Variants in TBC1D2 observed in about 807,000 individuals in gnomAD.
TBC1D2 encodes TBC1 domain family member 2.
TBC1D2 carries 58 observed loss-of-function variants against 91.1 expected under a neutral mutation model. The observed-to-expected ratio is 0.64, with a 90% CI of 0.52 to 0.79. The LOEUF (loss-of-function observed/expected upper bound fraction) is 0.79, where lower values mean the gene tolerates loss of function less well. TBC1D2 is among the 30% of genes least tolerant of loss of function. The pLI is 0.00. For synonymous variants in TBC1D2, 482 were observed against 511.5 expected (o/e 0.94, Z 0.78); for missense variants, 1,080 against 1,208.3 (o/e 0.89, Z 1.57).
intron 6 of TBC1D2, among the ~76,000 whole-genome samples, chr9:98,218,546 GAC>G (rs1829023461): frequency 6.6e-6 from 1 of 151,970 alleles, no homozygotes; most frequent in Non-Finnish European, 1.5e-5. Flanking sequence ...CAGGCTGGGT[GAC>G]AGAGCAAGAC....
chr9:98,199,354 AG>A lies in TBC1D2; in HGVS notation c.*26del. ...TGGGTCTGCCAGCCAAGGGTGAGGA[AG>A]GCTGTGGGGAGGGGAGGTGGCCAAG... On this transcript the variant is annotated 3_prime_UTR_variant, in exon 13 of 13. Transcript: ENST00000465784. 1 of 1,611,572 alleles carries A rather than the reference AG, an allele frequency of 6.2e-7. No individual in the cohort carries two copies. Among genetic ancestry groups the A allele is most frequent in the African/African-American group, 1.3e-5 (1 of 74,978 alleles).
At chr9:98,249,534 C>T (rs79122827) in intron 2 of TBC1D2, among the ~76,000 whole-genome samples, 1 of 152,332 alleles carries the variant, frequency 6.6e-6, no homozygotes, top group East Asian at 1.9e-4. Context: ...CTGATCTTTG[C>T]AGCAGCATCA....
chr9:98,210,865 T>C lies in TBC1D2; in HGVS notation c.1486-22A>G, dbSNP rs1018803508. ...CGCACTGCAAACAGGGAAAGGCTGG[T>C]CAGGCTACCGGGTGGGAGCTGGGCC... On this transcript the variant is annotated intron_variant, in intron 7 of 12. Transcript: ENST00000465784. 7 of 1,545,520 alleles carry C rather than the reference T, an allele frequency of 4.5e-6. No individual in the cohort carries two copies. In the Admixed American group the frequency reaches 1.2e-4, roughly 26 times the overall value.
chr9:98,247,172 C>T (rs1829780997), intron 2 of TBC1D2, among the ~76,000 whole-genome samples: 1 of 151,632 alleles, frequency 6.6e-6, no homozygotes, highest in African/African-American at 2.4e-5. Context: ...ACTAAAAATA[C>T]AAAAACAAAC....
intron 5 of TBC1D2, among the ~76,000 whole-genome samples, chr9:98,222,543 C>A (rs569387324): frequency 1.3e-5 from 2 of 152,376 alleles, no homozygotes; most frequent in Non-Finnish European, 2.9e-5. Context: ...GTCTGCTCAG[C>A]TCCCTGTGCC....
At chr9:98,205,983 A>T (rs1426529867) in intron 9 of TBC1D2, among the ~76,000 whole-genome samples, 1 of 151,910 alleles carries the variant, frequency 6.6e-6, no homozygotes, top group Non-Finnish European at 1.5e-5. Context: ...CAGGCTTTCT[A>T]TTATAAGTAA....
chr9:98,241,530 T>C (rs1829636151), intron 3 of TBC1D2, among the ~76,000 whole-genome samples: 1 of 152,186 alleles, frequency 6.6e-6, no homozygotes, highest in Admixed American at 6.5e-5. Context: ...GCATTTTCTG[T>C]GGGCCAAGAC....
At chr9:98,214,769 C>T (rs139559113) in intron 6 of TBC1D2, among the ~76,000 whole-genome samples, 14 of 152,318 alleles carry the variant, frequency 9.2e-5, no homozygotes, top group East Asian at 5.8e-4. Context: ...CTGGAAGCTC[C>T]GATGCCTGCC....
Position 98,233,515 on chromosome 9 carries a change from C to A in TBC1D2, c.682G>T (p.Ala228Ser), listed in dbSNP as rs147418283. The change falls in exon 4 of 13, where the codon GCC becomes TCC. Residue 228 changes from alanine (A) to serine (S), a missense_variant. Ala to Ser is a moderately conservative substitution (Grantham distance 99, BLOSUM62 1). Coordinates refer to ENST00000465784, the MANE Select transcript of TBC1D2 (RefSeq NM_001267571.2). Reference sequence around the variant, plus strand: ...GGAGGTTCATGGCCTGTTCCCTGGGCCTGCTTGTTGCCACGGATGTTGTGC... The same window carrying A: ...GGAGGTTCATGGCCTGTTCCCTGGGACTGCTTGTTGCCACGGATGTTGTGC... The part of the protein sequence containing the change: ...TMHNIRGNKQ[A>S]QGTGHEPPGE... 6.2e-7 allele frequency: 1 copy of A among 1,614,066 alleles called. No homozygotes were observed. The highest frequency in any genetic ancestry group is 8.5e-7 in the Non-Finnish European group (1 of 1,180,032).
chr9:98,217,189 G>T (rs1828991420), intron 6 of TBC1D2, among the ~76,000 whole-genome samples: 1 of 152,200 alleles, frequency 6.6e-6, no homozygotes, highest in African/African-American at 2.4e-5. Flanking sequence ...TGCTCGTCTT[G>T]GCTCAGAACT....
chr9:98,233,709 C>T (rs1250618806), intron 3 of TBC1D2, among the ~76,000 whole-genome samples, 160 bp from the exon 4 acceptor site: 3 of 152,206 alleles, frequency 2.0e-5, no homozygotes, highest in Non-Finnish European at 4.4e-5. Flanking sequence ...CCTCCCCATG[C>T]ATGGCACTCC....
At chr9:98,245,729 A>G (rs978296849) in intron 2 of TBC1D2, among the ~76,000 whole-genome samples, 1 of 152,198 alleles carries the variant, frequency 6.6e-6, no homozygotes, top group Non-Finnish European at 1.5e-5. Flanking sequence ...CAAATTTTCT[A>G]CAATAAACAT....
rs568748079 is a variant in TBC1D2 at position 98,222,077 on chromosome 9, T to C, written c.979-849A>G. The stretch of plus-strand genomic sequence containing the variant: ...GAACCCATACCCTGACATATACACA[T>C]CCATTTCAGGGATGAACAAACTGAG... On this transcript the variant is annotated intron_variant, in intron 5 of 12. Coordinates refer to ENST00000465784, the MANE Select transcript of TBC1D2 (RefSeq NM_001267571.2). Among the ~76,000 whole-genome samples, 130 of 152,146 alleles carry C rather than the reference T, an allele frequency of 8.5e-4. 1 individual carries two copies. Among genetic ancestry groups the C allele is most frequent in the Non-Finnish European group, 1.5e-3 (102 of 68,030 alleles).
Position 98,233,378 on chromosome 9 carries a change from G to C in TBC1D2, c.781+38C>G, listed in dbSNP as rs528420389. 88 of 1,587,500 alleles carry C rather than the reference G, an allele frequency of 5.5e-5. 1 individual carries two copies. The South Asian group carries it at 9.9e-4, about 18-fold the overall frequency. ...GCACTTGTGCCAGCCGTGAGGAGCT[G>C]GTCCCTGAAGGCAGCTCAGCCCTGG... On this transcript the variant is annotated intron_variant, in intron 4 of 12. Transcript: ENST00000465784.
chr9:98,224,280 CTTTTTTTTTTT>C (rs1170210699), intron 5 of TBC1D2, among the ~76,000 whole-genome samples: 1 of 107,420 alleles, frequency 9.3e-6, no homozygotes, highest in Non-Finnish European at 1.9e-5. Context: ...TTTTTCTTTT[CTTTTTTTTTTT>C]TTTTTTTTTG....
chr9:98,225,623 C>A (rs1829214030), intron 5 of TBC1D2, among the ~76,000 whole-genome samples: 1 of 152,192 alleles, frequency 6.6e-6, no homozygotes, highest in African/African-American at 2.4e-5. Flanking sequence ...CCTGGGAGAC[C>A]CTGAGCATGC....
rs1564235108 is a variant in TBC1D2 at position 98,208,805 on chromosome 9, C to G, written c.2013G>C (p.Glu671Asp). 1 of 1,602,184 alleles carries G rather than the reference C, an allele frequency of 6.2e-7. No homozygotes were observed. The highest frequency in any genetic ancestry group is 8.5e-7 in the Non-Finnish European group (1 of 1,171,448). ...AREHPAARQI[E>D]LDLNRTFPNN... ...TGGGGAAGGTCCGGTTCAGGTCCAG[C>G]TCAATCTGGCGGGCAGCAGGGTGCT... Residue 671 changes from glutamate to aspartate, a missense_variant, in exon 9 of 13, where the codon GAG (glutamate) becomes GAC (aspartate). Coordinates refer to ENST00000465784, the MANE Select transcript of TBC1D2 (RefSeq NM_001267571.2).
At chr9:98,220,268 C>A (rs775119501) in intron 6 of TBC1D2, among the ~76,000 whole-genome samples, 20 of 152,178 alleles carry the variant, frequency 1.3e-4, no homozygotes, top group Middle Eastern at 3.2e-3. Flanking sequence ...AAAGGGGGAG[C>A]ACACCAGCGG....
intron 8 of TBC1D2, among the ~76,000 whole-genome samples, chr9:98,209,798 TTTTC>T (rs1331435276): frequency 2.7e-5 from 4 of 146,480 alleles, no homozygotes; most frequent in African/African-American, 5.1e-5. Context: ...CTTCCTTTCT[TTTTC>T]TTTCTTTCTT....
Sources: gnomAD v4.1 joint callset for allele counts (sites outside exome capture counted in the v4.1 genomes callset) on GRCh38, gnomAD v4.1.1 for gene constraint, MANE v1.5 for transcripts, NCBI Gene and HGNC (gene_info 2026-07-23, HGNC 2026-07-21) for gene names.